Variants in UGT1A9 observed in about 807,000 individuals in gnomAD.
UGT1A9 encodes UDP-glucuronosyltransferase 1A9.
UGT1A9 carries 35 observed loss-of-function variants against 45.0 expected under a neutral mutation model. The ratio of observed to expected loss-of-function variants is 0.78; its 90% CI spans 0.59 to 1.03. The LOEUF (loss-of-function observed/expected upper bound fraction) is 1.03, where lower values mean the gene tolerates loss of function less well. UGT1A9 is among the 50% of genes least tolerant of loss of function. UGT1A9 has a pLI of 0.00. For missense variants in UGT1A9, 687 were observed against 666.6 expected, an observed-to-expected ratio of 1.03 and a Z score of -0.34; for synonymous variants, 278 against 250.6, an observed-to-expected ratio of 1.11 and a Z score of -1.03.
intron 1 of UGT1A9, chr2:233,730,107 G>T: frequency 1.3e-6 from 2 of 1,570,872 alleles, no homozygotes; most frequent in Non-Finnish European, 1.7e-6. Flanking sequence ...TTTCATTTCT[G>T]CTTCTCCTTG....
At chr2:233,718,119 C>T (rs2076631088) in intron 1 of UGT1A9, 1 of 304,720 alleles carries the variant, frequency 3.3e-6, no homozygotes, top group Non-Finnish European at 6.6e-6. Context: ...CCTCTTATTC[C>T]ATGGTGTAGA....
chr2:233,686,936 G>A (rs758142636), intron 1 of UGT1A9, among the ~76,000 whole-genome samples: 1 of 152,188 alleles, frequency 6.6e-6, no homozygotes, highest in Non-Finnish European at 1.5e-5. Flanking sequence ...GCTGACTCAT[G>A]CAGGGAAGCT....
At chr2:233,697,192 T>C (rs1038681762) in intron 1 of UGT1A9, among the ~76,000 whole-genome samples, 1 of 152,136 alleles carries the variant, frequency 6.6e-6, no homozygotes, top group Non-Finnish European at 1.5e-5. Context: ...AATTCAGCAG[T>C]GAATCCATCT....
At chr2:233,748,838 CTG>C (rs774126450) in intron 1 of UGT1A9, among the ~76,000 whole-genome samples, 8 of 151,472 alleles carry the variant, frequency 5.3e-5, no homozygotes, top group African/African-American at 2.0e-4. Flanking sequence ...GGAGATAAAA[CTG>C]TGAGCGTATA....
intron 1 of UGT1A9, chr2:233,719,366 T>C (rs755765177): frequency 3.1e-6 from 5 of 1,613,968 alleles, no homozygotes; most frequent in South Asian, 1.1e-5. Flanking sequence ...ACTTAGACTT[T>C]AAGGGCACAC....
chr2:233,729,788 C>A, intron 1 of UGT1A9: 2 of 1,613,954 alleles, frequency 1.2e-6, no homozygotes, highest in Non-Finnish European at 1.7e-6. Context: ...CTGGCCCTGT[C>A]CTACATTTGC....
intron 1 of UGT1A9, chr2:233,729,238 G>A: frequency 6.2e-7 from 1 of 1,614,214 alleles, no homozygotes; most frequent in Non-Finnish European, 8.5e-7. Flanking sequence ...GCCCATTGAT[G>A]GCAGCCACTG....
intron 1 of UGT1A9, among the ~76,000 whole-genome samples, chr2:233,715,395 T>C (rs1475144690): frequency 6.6e-6 from 1 of 152,246 alleles, no homozygotes. Context: ...TATCATTAAA[T>C]AATAATCCTT....
chr2:233,699,343 G>A (rs2075499998), intron 1 of UGT1A9, among the ~76,000 whole-genome samples: 2 of 152,144 alleles, frequency 1.3e-5, no homozygotes. Flanking sequence ...CCACCCTAGG[G>A]CTAACCTCTT....
chr2:233,697,612 GT>G (rs1286954926), intron 1 of UGT1A9, among the ~76,000 whole-genome samples: 1 of 149,670 alleles, frequency 6.7e-6, no homozygotes, highest in Non-Finnish European at 1.5e-5. Flanking sequence ...CTTCTACAAA[GT>G]TTGAGTTTGG....
At chr2:233,717,182 C>A (rs1378916239) in intron 1 of UGT1A9, among the ~76,000 whole-genome samples, 1 of 152,140 alleles carries the variant, frequency 6.6e-6, no homozygotes, top group Non-Finnish European at 1.5e-5. Context: ...GCAAGAGCAC[C>A]CTCCCAGGCA....
At chr2:233,709,273 G>A (rs538437236) in intron 1 of UGT1A9, among the ~76,000 whole-genome samples, 1 of 152,244 alleles carries the variant, frequency 6.6e-6, no homozygotes, top group African/African-American at 2.4e-5. Flanking sequence ...TCCACGCTGT[G>A]AATTACCCTT....
intron 1 of UGT1A9, chr2:233,682,767 G>C: frequency 6.2e-7 from 1 of 1,613,624 alleles, no homozygotes; most frequent in Admixed American, 1.7e-5. Context: ...GGTATCAACT[G>C]TCATCAGGGA....
At chr2:233,744,499 T>C (rs751170063) in intron 1 of UGT1A9, among the ~76,000 whole-genome samples, 33 of 151,936 alleles carry the variant, frequency 2.2e-4, no homozygotes, top group Non-Finnish European at 4.0e-4. Context: ...TTAGTAAGAA[T>C]AAACCCATGA....
At chr2:233,714,401 A>T (rs748552195) in intron 1 of UGT1A9, among the ~76,000 whole-genome samples, 14 of 152,172 alleles carry the variant, frequency 9.2e-5, no homozygotes, top group Non-Finnish European at 1.9e-4. Flanking sequence ...TGTAGGTGCA[A>T]TGGATGTCTG....
At chr2:233,677,390 G>A (rs28970015) in intron 1 of UGT1A9, among the ~76,000 whole-genome samples, 6 of 152,090 alleles carry the variant, frequency 3.9e-5, no homozygotes, top group South Asian at 4.1e-4. Flanking sequence ...TAGAAAATCC[G>A]CATAGAACTT....
intron 1 of UGT1A9, among the ~76,000 whole-genome samples, chr2:233,764,386 G>A (rs141556907): frequency 3.9e-5 from 6 of 152,290 alleles, no homozygotes; most frequent in Non-Finnish European, 7.4e-5. Context: ...GGAGTTGGCC[G>A]TGATGACAAC....
At chr2:233,713,362 T>C (rs2076312243) in intron 1 of UGT1A9, 10 of 1,614,230 alleles carry the variant, frequency 6.2e-6, no homozygotes, top group Non-Finnish European at 8.5e-6. Context: ...TCTTTGATCA[T>C]ACATAGGTCT....
intron 1 of UGT1A9, among the ~76,000 whole-genome samples, chr2:233,675,296 G>A (rs1338282324): frequency 6.6e-6 from 1 of 152,098 alleles, no homozygotes; most frequent in Non-Finnish European, 1.5e-5. Context: ...ACATTCCAGC[G>A]TTCTAATGTG....
Sources: gnomAD v4.1 joint callset for allele counts (sites outside exome capture counted in the v4.1 genomes callset) on GRCh38, gnomAD v4.1.1 for gene constraint, MANE v1.5 for transcripts, NCBI Gene and HGNC (gene_info 2026-07-23, HGNC 2026-07-21) for gene names.